Variants in ANKRD33B observed in about 807,000 individuals in gnomAD.
ANKRD33B encodes the protein ankyrin repeat domain-containing protein 33B.
Under a neutral mutation model 21.5 loss-of-function variants are expected in ANKRD33B, and 6 were observed. The observed-to-expected ratio is 0.28, with a 90% CI of 0.15 to 0.55. ANKRD33B has a LOEUF of 0.55. Among genes scored for constraint, ANKRD33B ranks in the 20% least tolerant of loss-of-function variants. The pLI, the probability that ANKRD33B is intolerant of heterozygous loss-of-function variation, is 0.94. For missense variants in ANKRD33B, 698 were observed against 747.2 expected, an observed-to-expected ratio of 0.93 and a Z score of 0.77; for synonymous variants, 347 against 342.4, an observed-to-expected ratio of 1.01 and a Z score of -0.15.
In ANKRD33B at chr5:10,576,790, C is replaced by T. The variant is rs1249547987; in HGVS notation, c.366+11957C>T. Among the ~76,000 whole-genome samples the T allele has an allele frequency of 6.6e-6, 1 of 152,206 alleles. No homozygotes were observed. The highest frequency in any genetic ancestry group is 2.4e-5 in the African/African-American group (1 of 41,442). The stretch of plus-strand genomic sequence containing the variant: ...AAAAGAAGAGTAGTTAAGAAAATAG[C>T]ACATCCACATGGTGAGGCCTCTTTT... On this transcript the variant is annotated intron_variant, in intron 1 of 3. Transcript: ENST00000296657. The surrounding 1 kb of genome is among the most constrained non-coding windows in gnomAD (Gnocchi z 4.1).
chr5:10,615,932 T>C (rs1297884502), intron 1 of ANKRD33B, among the ~76,000 whole-genome samples: 1 of 152,212 alleles, frequency 6.6e-6, no homozygotes, highest in African/African-American at 2.4e-5. Context: ...CCAAAGAGGC[T>C]GAAAACCTCA....
chr5:10,627,887 C>T (rs1373010858), intron 2 of ANKRD33B: 1 of 152,250 alleles, frequency 6.6e-6, no homozygotes, highest in African/African-American at 2.4e-5. Flanking sequence ...AGGAGGGCTC[C>T]TCAGCCAGCT....
At chr5:10,592,374 A>G (rs968656365) in intron 1 of ANKRD33B, among the ~76,000 whole-genome samples, 1 of 144,888 alleles carries the variant, frequency 6.9e-6, no homozygotes, top group South Asian at 2.2e-4. Context: ...GCACTTTGGG[A>G]GGCCAGGGCG....
chr5:10,580,367 C>T (rs938940954), intron 1 of ANKRD33B, among the ~76,000 whole-genome samples: 6 of 152,354 alleles, frequency 3.9e-5, no homozygotes, highest in African/African-American at 1.4e-4. Context: ...GTGTGGTCCC[C>T]ACCCAGCCTC....
chr5:10,576,966 G>C lies in ANKRD33B; in HGVS notation c.366+12133G>C, dbSNP rs1055802562. On this transcript the variant is annotated intron_variant, in intron 1 of 3. Transcript: ENST00000296657. This position sits in a 1 kb window ranked among gnomAD's most constrained non-coding sequence, Gnocchi z 4.1. Reference sequence around the variant, plus strand: ...GGCCCAGGAAATGGAACAGAAGCCTGTTGTGGGTGGGAGGAGAATCGGAAG... The same window carrying C: ...GGCCCAGGAAATGGAACAGAAGCCTCTTGTGGGTGGGAGGAGAATCGGAAG... Among the ~76,000 whole-genome samples the C allele has an allele frequency of 5.9e-5, 9 of 152,166 alleles. No homozygotes were observed. The highest frequency in any genetic ancestry group is 2.0e-4 in the Admixed American group (3 of 15,288).
chr5:10,623,376 G>A (rs376348283), intron 2 of ANKRD33B, among the ~76,000 whole-genome samples: 1 of 152,146 alleles, frequency 6.6e-6, no homozygotes, highest in Non-Finnish European at 1.5e-5. Context: ...GGTGTCCCTC[G>A]ATGGTTCTAG....
At position 10,576,927 on chromosome 5, in the gene ANKRD33B, G is replaced by T. The variant is rs1242762235; in HGVS notation, c.366+12094G>T. Among the ~76,000 whole-genome samples, 5 of 152,320 alleles carry T rather than the reference G, an allele frequency of 3.3e-5. No individual in the cohort carries two copies. The highest frequency in any genetic ancestry group is 1.2e-4 in the African/African-American group (5 of 41,584). ...GGGCACCTCGGATGACGCGAGGGTG[G>T]AGCCTGAAACGCTGGCCCAGGAAAT... is the stretch of plus-strand genomic sequence containing the variant. On this transcript the variant is annotated intron_variant, in intron 1 of 3. Transcript: ENST00000296657. The surrounding 1 kb of genome is among the most constrained non-coding windows in gnomAD (Gnocchi z 4.1).
Position 10,652,797 on chromosome 5 carries a change from C to A in ANKRD33B, c.*2684C>A. 1 of 287,880 alleles carries A rather than the reference C, an allele frequency of 3.5e-6. No homozygotes were observed. Among genetic ancestry groups the A allele is most frequent in the Non-Finnish European group, 7.2e-6 (1 of 139,040 alleles). 17.8% of individuals were successfully genotyped at this position (287,880 alleles called of 1,614,324 possible). On this transcript the variant is annotated 3_prime_UTR_variant, in exon 4 of 4. Coordinates refer to ENST00000296657, the MANE Select transcript of ANKRD33B (RefSeq NM_001164440.2). This position sits in a 1 kb window ranked among gnomAD's most constrained non-coding sequence, Gnocchi z 4.1. ...CCAGGTGCACAGGATACTCTGGGGC[C>A]AGCACAGGGATTGTCCAGTGATGCT... is the stretch of plus-strand genomic sequence containing the variant.
Position 10,564,733 on chromosome 5 carries a change from T to G in ANKRD33B, c.266T>G (p.Leu89Arg). The change falls in exon 1 of 4, where the codon CTC becomes CGC. Residue 89 changes from leucine (L) to arginine (R), a missense_variant. Leu to Arg is a moderately radical substitution (Grantham distance 102). Transcript: ENST00000296657. ...GAAAGCGTCCCGGAGACGGCGACCC[T>G]CCTGCGCGCCGCCTGCGCCAACAAC... Reference protein sequence around the residue: ...VPESVPETATLLRAACANNVG... With the variant: ...VPESVPETATRLRAACANNVG... The G allele has an allele frequency of 6.5e-7, 1 of 1,532,468 alleles. No individual in the cohort carries two copies. The highest frequency in any genetic ancestry group is 8.7e-7 in the Non-Finnish European group (1 of 1,145,158). The allele number at this position is 1,532,468 out of a possible 1,614,324, so 94.9% of individuals were successfully genotyped here. A position where few individuals can be genotyped will look rare whatever the true frequency, so the allele number is the denominator to read the frequency against.
intron 2 of ANKRD33B, among the ~76,000 whole-genome samples, chr5:10,624,499 G>A (rs1271418645): frequency 3.3e-5 from 5 of 152,042 alleles, no homozygotes; most frequent in South Asian, 2.1e-4. Flanking sequence ...CTCTGTGGCC[G>A]CCACTGTGTG....
rs534656528 is a variant in ANKRD33B at position 10,587,036 on chromosome 5, A to G, written c.366+22203A>G. On this transcript the variant is annotated intron_variant, in intron 1 of 3. Coordinates refer to ENST00000296657, the MANE Select transcript of ANKRD33B (RefSeq NM_001164440.2). ...TATTTATTTATTTATTTATTTTGAG[A>G]TGGAGTCTCGCTCTGTCGCCCAAGC... Among the ~76,000 whole-genome samples the G allele has an allele frequency of 8.7e-5, 13 of 150,164 alleles. No individual in the cohort carries two copies. The East Asian group carries it at 2.5e-3, about 29-fold the overall frequency.
intron 2 of ANKRD33B, chr5:10,628,261 A>G (rs1251988962): frequency 1.3e-5 from 2 of 152,074 alleles, no homozygotes; most frequent in African/African-American, 4.8e-5. Context: ...GCTCACTGCA[A>G]TCTCCGCCTC....
chr5:10,606,851 C>T (rs1579730448), intron 1 of ANKRD33B, among the ~76,000 whole-genome samples: 1 of 151,700 alleles, frequency 6.6e-6, no homozygotes, highest in Non-Finnish European at 1.5e-5. Context: ...GCCTCAGCCT[C>T]CTGAGTAGTT....
chr5:10,600,904 C>T (rs989110590), intron 1 of ANKRD33B, among the ~76,000 whole-genome samples: 4 of 151,880 alleles, frequency 2.6e-5, no homozygotes, highest in Non-Finnish European at 4.4e-5. Flanking sequence ...CTGTGACTAA[C>T]GATATCGAGC....
intron 1 of ANKRD33B, among the ~76,000 whole-genome samples, chr5:10,570,734 T>G (rs1735164254): frequency 6.6e-6 from 1 of 152,026 alleles, no homozygotes; most frequent in Admixed American, 6.5e-5. Context: ...TTTTTATTTA[T>G]TTTTTGTAGA....
intron 1 of ANKRD33B, among the ~76,000 whole-genome samples, chr5:10,572,995 G>A (rs1040868839): frequency 1.4e-4 from 21 of 152,234 alleles, no homozygotes; most frequent in Middle Eastern, 6.8e-3. Context: ...AGCATACGTC[G>A]TTATTTCTCT....
At chr5:10,609,875 C>G (rs1468670655) in intron 1 of ANKRD33B, among the ~76,000 whole-genome samples, 1 of 152,062 alleles carries the variant, frequency 6.6e-6, no homozygotes, top group African/African-American at 2.4e-5. Flanking sequence ...TGCCATTGCA[C>G]TATAGCCTGG....
chr5:10,591,420 G>A lies in ANKRD33B; in HGVS notation c.366+26587G>A, dbSNP rs369948601. 1.1e-4 allele frequency among the ~76,000 whole-genome samples: 17 copies of A among 152,028 alleles called. 1 individual carries two copies. The South Asian group carries it at 2.3e-3, about 20-fold the overall frequency. ...CATATTGGCCAGGCTAGTCTCGAAC[G>A]CCTGACCTCTTGATCTGCCACCCTT... is the stretch of plus-strand genomic sequence containing the variant. On this transcript the variant is annotated intron_variant, in intron 1 of 3. Transcript: ENST00000296657.
At chr5:10,620,144 G>T (rs370714963) in intron 2 of ANKRD33B, among the ~76,000 whole-genome samples, 1 of 152,148 alleles carries the variant, frequency 6.6e-6, no homozygotes, top group South Asian at 2.1e-4. Flanking sequence ...GGTGACAGGG[G>T]TGAGAGGATC....
Sources: gnomAD v4.1 joint callset for allele counts (sites outside exome capture counted in the v4.1 genomes callset) on GRCh38, gnomAD v4.1.1 for gene constraint, Gnocchi (gnomAD v3.1) non-coding constraint, MANE v1.5 for transcripts, NCBI Gene and HGNC (gene_info 2026-07-23, HGNC 2026-07-21) for gene names.